Variants in LIN54 observed in about 807,000 individuals in gnomAD.
LIN54 encodes lin-54 DREAM MuvB core complex component.
In LIN54, 9 loss-of-function variants were observed where a neutral mutation model predicts 78.7. The observed-to-expected ratio is 0.11, with a 90% CI of 0.07 to 0.20. The LOEUF (loss-of-function observed/expected upper bound fraction) is 0.20, where lower values mean the gene tolerates loss of function less well. Among genes scored for constraint, LIN54 ranks in the 10% least tolerant of loss-of-function variants. The pLI is 1.00. For synonymous variants in LIN54, 269 were observed against 318.4 expected (o/e 0.84, Z 1.65); for missense variants, 573 against 889.9 (o/e 0.64, Z 4.53).
intron 1 of LIN54, among the ~76,000 whole-genome samples, chr4:82,998,646 GAGAA>G (rs942667590): frequency 2.9e-4 from 44 of 151,912 alleles, no homozygotes; most frequent in Admixed American, 2.6e-3. Flanking sequence ...GAAAAAGAAA[GAGAA>G]AGAAAGAAAG....
chr4:82,933,342 A>G (rs753205071), intron 11 of LIN54, among the ~76,000 whole-genome samples: 2 of 151,468 alleles, frequency 1.3e-5, no homozygotes, highest in Non-Finnish European at 2.9e-5. Flanking sequence ...AGAAATTACA[A>G]TGACATTTAG....
Position 82,984,592 on chromosome 4 carries a change from C to T in LIN54, c.253G>A (p.Ala85Thr). ...QVAVNTTITK[A>T]DSNTTVKPAF... ...GGTTTCACTGTGGTATTAGAATCTGCTTTAGTAATTGTGGTATTCACTGCA... is the reference window on the plus strand; with the variant it reads ...GGTTTCACTGTGGTATTAGAATCTGTTTTAGTAATTGTGGTATTCACTGCA... The change falls in exon 2 of 13, where the codon GCA becomes ACA. Residue 85 changes from alanine (A) to threonine (T), a missense_variant. Physicochemically the swap from Ala to Thr is moderately conservative, Grantham distance 58. Around this residue, in one of 6 missense-constraint regions of LIN54, gnomAD observed 183 missense variants for 228.4 expected, o/e 0.80. Transcript: ENST00000340417. 2 of 1,614,160 alleles carry T rather than the reference C, an allele frequency of 1.2e-6. No homozygotes were observed. Among genetic ancestry groups the T allele is most frequent in the Non-Finnish European group, 1.7e-6 (2 of 1,180,040 alleles).
rs1295987591 is a variant in LIN54 at position 82,999,777 on chromosome 4, C to CAAAAAAA, written c.-33+10700_-33+10706dup. ...TAGGTGACAGGGCGAGACTCTGTCT[C>CAAAAAAA]AAAAAAAAAAAAAAAAAAGGCAAGA... On this transcript the variant is annotated intron_variant, in intron 1 of 12. Transcript: ENST00000340417. Among the ~76,000 whole-genome samples, 5 of 92,218 alleles carry CAAAAAAA rather than the reference C, an allele frequency of 5.4e-5. 2 individuals are homozygous for CAAAAAAA. In the South Asian group the frequency reaches 1.5e-3, roughly 28 times the overall value. 60.5% of individuals were successfully genotyped at this position (92,218 alleles called of 152,430 possible).
chr4:82,993,942 G>T (rs1244549388), intron 1 of LIN54, among the ~76,000 whole-genome samples: 1 of 151,994 alleles, frequency 6.6e-6, no homozygotes, highest in Non-Finnish European at 1.5e-5. Context: ...AAATGGTTGG[G>T]GCAAGGGGGA....
At chr4:83,004,441 T>C (rs984821032) in intron 1 of LIN54, among the ~76,000 whole-genome samples, 4 of 150,316 alleles carry the variant, frequency 2.7e-5, no homozygotes, top group Non-Finnish European at 5.9e-5. Flanking sequence ...AAAAGAAAAC[T>C]GCACATCTGC....
At chr4:82,988,657 C>A (rs1727386412) in intron 1 of LIN54, among the ~76,000 whole-genome samples, 1 of 152,164 alleles carries the variant, frequency 6.6e-6, no homozygotes, top group African/African-American at 2.4e-5. Flanking sequence ...ATTTTATACA[C>A]CCTCCAGCAA....
chr4:82,968,619 T>C (rs1340833417), intron 4 of LIN54, among the ~76,000 whole-genome samples: 1 of 152,130 alleles, frequency 6.6e-6, no homozygotes, highest in East Asian at 1.9e-4. Context: ...TTTTAAAAGA[T>C]TAAATTTAAC....
Position 82,925,216 on chromosome 4 carries a change from AT to A in LIN54, c.*2885del, listed in dbSNP as rs375660706. 65 of 152,524 alleles carry A rather than the reference AT, an allele frequency of 4.3e-4. No homozygotes were observed. The highest frequency in any genetic ancestry group is 1.1e-3 in the African/African-American group (46 of 41,560). The allele number at this position is 152,524 out of a possible 1,614,324, so 9.4% of individuals were successfully genotyped here. On this transcript the variant is annotated 3_prime_UTR_variant, in exon 13 of 13. Transcript: ENST00000340417. The stretch of plus-strand genomic sequence containing the variant: ...GACAGAGTAGATTGATTTTCTAGGT[AT>A]TTTTGTTTTTGAGACAAGGTCTCAC...
At chr4:82,960,007 AC>A (rs1724658372) in intron 4 of LIN54, among the ~76,000 whole-genome samples, 1 of 152,210 alleles carries the variant, frequency 6.6e-6, no homozygotes, top group Non-Finnish European at 1.5e-5. Context: ...ACCTATCTGA[AC>A]TATAATAATC....
chr4:82,996,393 T>C (rs1359810309), intron 1 of LIN54, among the ~76,000 whole-genome samples: 2 of 152,006 alleles, frequency 1.3e-5, no homozygotes, highest in African/African-American at 2.4e-5. Context: ...TGCATTCCCC[T>C]ATGCTTCCAA....
intron 5 of LIN54, among the ~76,000 whole-genome samples, chr4:82,943,200 C>T (rs903429591): frequency 8.5e-5 from 13 of 152,070 alleles, no homozygotes; most frequent in South Asian, 4.1e-4. Context: ...TTTAGAATAG[C>T]CTCCTTCCAA....
Position 82,950,208 on chromosome 4 carries a change from G to A in LIN54, c.952-3734C>T, listed in dbSNP as rs551478426. Among the ~76,000 whole-genome samples, 27 of 152,038 alleles carry A rather than the reference G, an allele frequency of 1.8e-4. 2 individuals are homozygous for A. In the South Asian group the frequency reaches 3.3e-3, roughly 19 times the overall value. On this transcript the variant is annotated intron_variant, in intron 4 of 12. Coordinates refer to ENST00000340417, the MANE Select transcript of LIN54 (RefSeq NM_194282.4). ...CAGTTTTCATGCACACTTTTTTGAC[G>A]TGTTAGTCCATGTAATGTTATCACT...
intron 4 of LIN54, among the ~76,000 whole-genome samples, chr4:82,965,801 G>A (rs1193080279): frequency 1.3e-5 from 2 of 152,056 alleles, no homozygotes; most frequent in Non-Finnish European, 2.9e-5. Flanking sequence ...AATGAGAGGA[G>A]TCTCAGCAGA....
intron 1 of LIN54, among the ~76,000 whole-genome samples, chr4:83,005,132 G>A (rs1729234911): frequency 6.6e-6 from 1 of 152,102 alleles, no homozygotes; most frequent in Non-Finnish European, 1.5e-5. Flanking sequence ...CTGACCTCAG[G>A]TGATCCACCC....
chr4:82,929,514 ATATCT>A (rs1721768055), intron 12 of LIN54, among the ~76,000 whole-genome samples: 1 of 152,116 alleles, frequency 6.6e-6, no homozygotes, highest in Non-Finnish European at 1.5e-5. Context: ...TTTAGAACTA[ATATCT>A]TAAGGCCAGG....
intron 2 of LIN54, among the ~76,000 whole-genome samples, chr4:82,979,912 G>C (rs960730119): frequency 1.5e-5 from 2 of 131,782 alleles, no homozygotes; most frequent in Admixed American, 9.2e-5. Flanking sequence ...CTCCAGCCTG[G>C]GTGACAGAGT....
chr4:82,947,301 C>T (rs111843718), intron 4 of LIN54, among the ~76,000 whole-genome samples: 4,483 of 131,548 alleles, frequency 0.034, 107 homozygotes, highest in Non-Finnish European at 0.052. Context: ...AGTGCAATAA[C>T]GGCTCACTGC....
intron 5 of LIN54, among the ~76,000 whole-genome samples, chr4:82,941,676 G>A (rs755060800): frequency 6.6e-6 from 1 of 152,142 alleles, no homozygotes; most frequent in Non-Finnish European, 1.5e-5. Flanking sequence ...GAATAAAAAA[G>A]AGAGAGCAGA....
chr4:82,947,235 A>ATATATATATATATTTTTTTTT, intron 4 of LIN54, among the ~76,000 whole-genome samples: 1 of 44,292 alleles, frequency 2.3e-5, no homozygotes, highest in Non-Finnish European at 3.7e-5. Flanking sequence ...ATATATATAT[A>ATATATATATATATTTTTTTTT]TTTTTTTTTT....
Sources: allele counts gnomAD v4.1 joint callset (sites outside exome capture counted in the v4.1 genomes callset), GRCh38; gene constraint gnomAD v4.1.1; regional missense constraint gnomAD v4.1.1; transcripts MANE v1.5; gene names NCBI Gene and HGNC (gene_info 2026-07-23, HGNC 2026-07-21).